Variants in DPP9 observed in about 807,000 individuals in gnomAD.
DPP9 encodes dipeptidyl peptidase 9.
Under a neutral mutation model 110.7 loss-of-function variants are expected in DPP9, and 50 were observed. That is an observed-to-expected ratio of 0.45 (90% CI 0.36 to 0.57). The LOEUF is 0.57. Ranked by LOEUF, DPP9 falls within the 20% of genes least tolerant of loss-of-function variation. DPP9 has a pLI of 0.00. For missense variants in DPP9, 1,022 were observed against 1,217.9 expected, an observed-to-expected ratio of 0.84 and a Z score of 2.39; for synonymous variants, 561 against 514.4, an observed-to-expected ratio of 1.09 and a Z score of -1.23.
chr19:4,677,305 C>T (rs190943357), intron 21 of DPP9, among the ~76,000 whole-genome samples: 1 of 152,240 alleles, frequency 6.6e-6, no homozygotes, highest in East Asian at 1.9e-4. Context: ...CGGACAACCC[C>T]TATAGCTCCC....
intron 2 of DPP9, 115 bp from the exon 3 acceptor site, chr19:4,720,056 G>A (rs892499920): frequency 2.3e-6 from 2 of 871,148 alleles, no homozygotes; most frequent in African/African-American, 3.3e-5. Context: ...CAAGCCTCCG[G>A]GGAGCACCCT....
At chr19:4,683,338 C>T (rs759750506) in intron 19 of DPP9, 139 bp downstream of exon 19, 5 of 1,472,034 alleles carry the variant, frequency 3.4e-6, no homozygotes, top group Non-Finnish European at 4.5e-6. Flanking sequence ...CAGGGAGAAA[C>T]AGCCACGTGG....
rs72977997 is a variant in DPP9 at position 4,716,135 on chromosome 19, G to A, written c.57-1798C>T. On this transcript the variant is annotated intron_variant, in intron 3 of 21. Coordinates refer to ENST00000262960, the MANE Select transcript of DPP9 (RefSeq NM_139159.5). ...GCTTGGAGGAAGTGGGAAAACCCGC[G>A]GGAGTGGACAGCAGGGACTGGGTGT... 1,179 of 152,352 alleles carry A rather than the reference G, an allele frequency of 7.7e-3. 10 individuals are homozygous for A. The highest frequency in any genetic ancestry group is 0.024 in the Middle Eastern group (7 of 294). 9.4% of individuals were successfully genotyped at this position (152,352 alleles called of 1,614,324 possible). A position where few individuals can be genotyped will look rare whatever the true frequency, so the allele number is the denominator to read the frequency against.
At position 4,693,947 on chromosome 19, in the gene DPP9, C is replaced by T. The variant is rs1387343454; in HGVS notation, c.1516+714G>A. ...TACGGGCTGTGGCTCTGCCCAGAGC[C>T]GTGGTGTGGACCCCTCACCTCCACA... On this transcript the variant is annotated intron_variant, in intron 13 of 21. Transcript: ENST00000262960. The surrounding 1 kb of genome is among the most constrained non-coding windows in gnomAD (Gnocchi z 5.0). Among the ~76,000 whole-genome samples the T allele has an allele frequency of 1.3e-5, 2 of 151,990 alleles. No homozygotes were observed. Among genetic ancestry groups the T allele is most frequent in the African/African-American group, 2.4e-5 (1 of 41,400 alleles).
intron 14 of DPP9, 89 bp downstream of exon 14, chr19:4,690,785 ATGTG>A (rs2091247350): frequency 2.1e-6 from 2 of 932,850 alleles, no homozygotes; most frequent in Non-Finnish European, 3.4e-6. Context: ...GTGTGAGTGT[ATGTG>A]TGTGTATGCG....
Position 4,694,193 on chromosome 19 carries a change from C to T in DPP9, c.1516+468G>A, listed in dbSNP as rs1019476625. 4.9e-5 allele frequency: 10 copies of T among 202,500 alleles called. No individual in the cohort carries two copies. Among genetic ancestry groups the T allele is most frequent in the South Asian group, 3.6e-4 (2 of 5,590 alleles). The allele number at this position is 202,500 out of a possible 1,614,324, so 12.5% of individuals were successfully genotyped here. A position where few individuals can be genotyped will look rare whatever the true frequency, so the allele number is the denominator to read the frequency against. On this transcript the variant is annotated intron_variant, in intron 13 of 21. Coordinates refer to ENST00000262960, the MANE Select transcript of DPP9 (RefSeq NM_139159.5). This position sits in a 1 kb window ranked among gnomAD's most constrained non-coding sequence, Gnocchi z 4.0. Reference sequence around the variant, plus strand: ...TGAACAATTCCATCACAGCTACCTACAGCAGGAGCTGGCAAATGTTTCTAC... The same window carrying T: ...TGAACAATTCCATCACAGCTACCTATAGCAGGAGCTGGCAAATGTTTCTAC...
intron 21 of DPP9, among the ~76,000 whole-genome samples, chr19:4,679,069 GC>G (rs148632622): frequency 2.1e-4 from 31 of 146,966 alleles, no homozygotes; most frequent in Middle Eastern, 3.6e-3. Flanking sequence ...CTTACTGAGG[GC>G]CCCCCCTCCT....
intron 21 of DPP9, among the ~76,000 whole-genome samples, chr19:4,678,736 C>T (rs758381076): frequency 3.3e-5 from 5 of 152,092 alleles, no homozygotes; most frequent in Non-Finnish European, 7.4e-5. Flanking sequence ...TGTTGAAAGG[C>T]AACAGGACGC....
rs1599924339 is a variant in DPP9, at chr19:4,704,379, C to T, written c.427-75G>A. The T allele has an allele frequency of 4.0e-6, 6 of 1,515,922 alleles. No homozygotes were observed. In the South Asian group the frequency reaches 5.9e-5, roughly 15 times the overall value. 93.9% of individuals were successfully genotyped at this position (1,515,922 alleles called of 1,614,324 possible). On this transcript the variant is annotated intron_variant, in intron 5 of 21. Transcript: ENST00000262960. This position sits in a 1 kb window ranked among gnomAD's most constrained non-coding sequence, Gnocchi z 6.0. ...TCCCGCTGGCCAGGGCAGAGATCCT[C>T]GGGCTGGGGCATTCCCAGGGAATCT...
chr19:4,706,268 G>A lies in DPP9; in HGVS notation c.314-298C>T, dbSNP rs374312229. 4.9e-3 allele frequency among the ~76,000 whole-genome samples: 697 copies of A among 142,182 alleles called. 8 individuals carry two copies. Among genetic ancestry groups the A allele is most frequent in the African/African-American group, 0.017 (662 of 37,836 alleles). The allele number at this position is 142,182 out of a possible 152,430, so 93.3% of individuals were successfully genotyped here. A position where few individuals can be genotyped will look rare whatever the true frequency, so the allele number is the denominator to read the frequency against. On this transcript the variant is annotated intron_variant, in intron 4 of 21. Transcript: ENST00000262960. ...TCCCAGCACTTTGGGAGGCCGAGGC[G>A]AGAGGACTGCCTGAGCCCAGGAGTT... is the stretch of plus-strand genomic sequence containing the variant.
In DPP9 at chr19:4,676,443, C is replaced by G; in HGVS notation, c.*121G>C. Reference sequence around the variant, plus strand: ...AAGGCAGCGGCTCCTCGGGGCTGGCCAGCGCTGGGCGGGACAAAGTGCCTC... The same window carrying G: ...AAGGCAGCGGCTCCTCGGGGCTGGCGAGCGCTGGGCGGGACAAAGTGCCTC... On this transcript the variant is annotated 3_prime_UTR_variant, in exon 22 of 22. Transcript: ENST00000262960. The surrounding 1 kb of genome is among the most constrained non-coding windows in gnomAD (Gnocchi z 4.0). 1.2e-6 allele frequency: 1 copy of G among 840,434 alleles called. No homozygotes were observed. Among genetic ancestry groups the G allele is most frequent in the Non-Finnish European group, 1.9e-6 (1 of 516,102 alleles). The allele number at this position is 840,434 out of a possible 1,614,324, so 52.1% of individuals were successfully genotyped here. A position where few individuals can be genotyped will look rare whatever the true frequency, so the allele number is the denominator to read the frequency against.
chr19:4,722,764 G>A, intron 1 of DPP9: 1 of 550,202 alleles, frequency 1.8e-6, no homozygotes, highest in Non-Finnish European at 3.2e-6. Flanking sequence ...CTGGGACCCA[G>A]CAGAGGAATG....
Position 4,685,473 on chromosome 19 carries a change from G to T in DPP9, c.2031+153C>A. On this transcript the variant is annotated intron_variant, in intron 17 of 21. Transcript: ENST00000262960. This position sits in a 1 kb window ranked among gnomAD's most constrained non-coding sequence, Gnocchi z 5.8. ...GAGGGTGAGGGGCCCCGAGGACCCT[G>T]TGTAGTCAGGGCAGGCGGGGTGGGC... is the stretch of plus-strand genomic sequence containing the variant. The T allele has an allele frequency of 1.1e-6, 1 of 876,954 alleles. No homozygotes were observed. The highest frequency in any genetic ancestry group is 1.8e-6 in the Non-Finnish European group (1 of 561,216). 54.3% of individuals were successfully genotyped at this position (876,954 alleles called of 1,614,324 possible). A position where few individuals can be genotyped will look rare whatever the true frequency, so the allele number is the denominator to read the frequency against.
At position 4,718,929 on chromosome 19, in the gene DPP9, G is replaced by A. The variant is rs916688514; in HGVS notation, c.56+922C>T. Among the ~76,000 whole-genome samples the A allele has an allele frequency of 2.0e-5, 3 of 152,056 alleles. No homozygotes were observed. Among genetic ancestry groups the A allele is most frequent in the Non-Finnish European group, 2.9e-5 (2 of 68,010 alleles). ...GGAATTCCTACCGCCTTTTCATCTC[G>A]TGCCAGGCCCTGAGACATGGAGTTT... On this transcript the variant is annotated intron_variant, in intron 3 of 21. Transcript: ENST00000262960. The surrounding 1 kb of genome is among the most constrained non-coding windows in gnomAD (Gnocchi z 4.3).
chr19:4,697,793 C>A (rs1382637887), intron 10 of DPP9, 142 bp from the exon 11 acceptor site: 17 of 657,044 alleles, frequency 2.6e-5, no homozygotes, highest in Non-Finnish European at 4.2e-5. Context: ...AGAACGCAAC[C>A]TTCTTTGGAA....
At position 4,682,937 on chromosome 19, in the gene DPP9, G is replaced by A. The variant is rs762323450; in HGVS notation, c.2332-99C>T. ...GCCGCTGTCCCGGGGCCGCCCTGGA[G>A]CCCGTGAGGAGCGCTCATGCACATG... On this transcript the variant is annotated intron_variant, in intron 19 of 21. Transcript: ENST00000262960. The surrounding 1 kb of genome is among the most constrained non-coding windows in gnomAD (Gnocchi z 7.1). 14 of 1,535,678 alleles carry A rather than the reference G, an allele frequency of 9.1e-6. No individual in the cohort carries two copies. Among genetic ancestry groups the A allele is most frequent in the Non-Finnish European group, 1.2e-5 (14 of 1,146,290 alleles).
rs2090028690 is a variant in DPP9, at chr19:4,682,390, C to T, written c.2474+306G>A. On this transcript the variant is annotated intron_variant, in intron 20 of 21. Transcript: ENST00000262960. The surrounding 1 kb of genome is among the most constrained non-coding windows in gnomAD (Gnocchi z 7.1). The stretch of plus-strand genomic sequence containing the variant: ...ATGCAGGGGAGTGGGGGAGGCTTGC[C>T]TGTGAAAAGCAGTGACTCGAATTCC... Among the ~76,000 whole-genome samples, 1 of 152,168 alleles carries T rather than the reference C, an allele frequency of 6.6e-6. No homozygotes were observed. The highest frequency in any genetic ancestry group is 1.9e-4 in the East Asian group (1 of 5,186).
At chr19:4,716,341 G>C (rs2145944331) in intron 3 of DPP9, among the ~76,000 whole-genome samples, 1 of 152,254 alleles carries the variant, frequency 6.6e-6, no homozygotes, top group East Asian at 1.9e-4. Flanking sequence ...GAGCGCCTTT[G>C]AAAGATCAGG....
At chr19:4,716,686 ACCT>A (rs897446174) in intron 3 of DPP9, among the ~76,000 whole-genome samples, 2 of 151,906 alleles carry the variant, frequency 1.3e-5, no homozygotes, top group African/African-American at 2.4e-5. Context: ...TGCAATTGTC[ACCT>A]CATTTGGGCC....
Sources: gnomAD v4.1 joint callset for allele counts (sites outside exome capture counted in the v4.1 genomes callset) on GRCh38, gnomAD v4.1.1 for gene constraint, Gnocchi (gnomAD v3.1) non-coding constraint, MANE v1.5 for transcripts, NCBI Gene and HGNC (gene_info 2026-07-23, HGNC 2026-07-21) for gene names.